Variants in OR8B3 observed in about 807,000 individuals in gnomAD.
OR8B3 encodes the protein olfactory receptor 8B3.
For missense variants in OR8B3, 278 were observed against 377.6 expected (o/e 0.74, Z 2.19); for synonymous variants, 102 against 135.4 (o/e 0.75, Z 1.71).
the OR8B3 span, among the ~76,000 whole-genome samples, chr11:124,405,339 A>C: frequency 6.6e-6 from 1 of 152,140 alleles, no homozygotes; most frequent in African/African-American, 2.4e-5. Flanking sequence ...TAGGTCTCTA[A>C]CCAGAGAAAA....
At chr11:124,406,602 C>T in the OR8B3 span, among the ~76,000 whole-genome samples, 3 of 152,096 alleles carry the variant, frequency 2.0e-5, no homozygotes, top group Admixed American at 2.0e-4. Context: ...TAAGCATCTG[C>T]TCCTCACTCA....
upstream of OR8B3, among the ~76,000 whole-genome samples, chr11:124,402,539 G>A (rs1861011015): frequency 1.3e-5 from 2 of 152,166 alleles, no homozygotes; most frequent in Non-Finnish European, 2.9e-5. Context: ...ATCATATTCA[G>A]ACTGCACGGT....
At chr11:124,400,601 C>T (rs1374648864), upstream of OR8B3, among the ~76,000 whole-genome samples, 3 of 152,042 alleles carry the variant, frequency 2.0e-5, no homozygotes, top group Non-Finnish European at 4.4e-5. Flanking sequence ...TACAGTGGCA[C>T]GATCTTGGCT....
chr11:124,404,761 G>A, the OR8B3 span: 1 of 152,206 alleles, frequency 6.6e-6, no homozygotes, highest in African/African-American at 2.4e-5. Context: ...CATCTTGGCT[G>A]AGAACATTAT....
upstream of OR8B3, among the ~76,000 whole-genome samples, chr11:124,400,684 G>A (rs982911268): frequency 2.0e-5 from 3 of 151,832 alleles, no homozygotes; most frequent in Admixed American, 6.6e-5. Context: ...GAGTACAGGC[G>A]CCTGCTATCA....
In OR8B3 at chr11:124,396,579, A is replaced by G. The variant is rs770651456; in HGVS notation, c.773T>C (p.Met258Thr). ...AGATCCAGAAGAATATTTAATATACATGAATGCCGCTGACCCAAAAAACAG... is the reference window on the plus strand; with the variant it reads ...AGATCCAGAAGAATATTTAATATACGTGAATGCCGCTGACCCAAAAAACAG... The part of the protein sequence containing the change: ...LSLFFGSAAF[M>T]YIKYSSGSME... Residue 258 changes from methionine to threonine, a missense_variant, in exon 2 of 2, where the codon ATG becomes ACG. Coordinates refer to ENST00000641139, the MANE Select transcript of OR8B3 (RefSeq NM_001005467.2). 57 of 1,613,368 alleles carry G rather than the reference A, an allele frequency of 3.5e-5. No individual in the cohort carries two copies. The highest frequency in any genetic ancestry group is 5.3e-5 in the African/African-American group (4 of 74,792).
At position 124,396,539 on chromosome 11, in the gene OR8B3, T is replaced by C; in HGVS notation, c.813A>G (p.Lys271=). 1 of 1,613,876 alleles carries C rather than the reference T, an allele frequency of 6.2e-7. No individual in the cohort carries two copies. ...KYSSGSMEQG[K]VSSVFYTNVV... The stretch of plus-strand genomic sequence containing the variant: ...CATTAGTGTAGAAAACAGAAGAAAC[T>C]TTTCCCTGCTCCATAGATCCAGAAG... Residue 271 remains lysine (K), a synonymous_variant, in exon 2 of 2, where the codon AAA becomes AAG. Transcript: ENST00000641139.
chr11:124,397,431 G>A (rs1418256336), intron 1 of OR8B3, 63 bp from the exon 2 acceptor site: 7 of 724,710 alleles, frequency 9.7e-6, no homozygotes, highest in Non-Finnish European at 1.6e-5. Flanking sequence ...TCTCATTAAT[G>A]AGGAGGGGAC....
chr11:124,398,372 A>T (rs571658126), intron 1 of OR8B3, among the ~76,000 whole-genome samples: 1 of 152,214 alleles, frequency 6.6e-6, no homozygotes, highest in African/African-American at 2.4e-5. Flanking sequence ...TTAGTTGTTA[A>T]GTTTGTAAAA....
chr11:124,396,597 A>G lies in OR8B3; in HGVS notation c.755T>C (p.Phe252Ser). ...SSHVIALSLF[F>S]GSAAFMYIKY... ...AATATACATGAATGCCGCTGACCCA[A>G]AAAACAGAGACAGAGCAATGACATG... The change falls in exon 2 of 2, where the codon TTT (phenylalanine) becomes TCT (serine). Residue 252 changes from phenylalanine to serine, a missense_variant. Physicochemically the swap from Phe to Ser is radical, Grantham distance 155 (BLOSUM62 -2). Transcript: ENST00000641139. 1 of 1,612,862 alleles carries G rather than the reference A, an allele frequency of 6.2e-7. No homozygotes were observed. The highest frequency in any genetic ancestry group is 2.2e-5 in the East Asian group (1 of 44,862).
chr11:124,401,454 T>C (rs1344081519), upstream of OR8B3, among the ~76,000 whole-genome samples: 1 of 152,254 alleles, frequency 6.6e-6, no homozygotes, highest in Non-Finnish European at 1.5e-5. Context: ...TGAGAAATTA[T>C]ATATGAAAAG....
At chr11:124,397,614 G>A (rs765901888) in intron 1 of OR8B3, among the ~76,000 whole-genome samples, 10 of 151,922 alleles carry the variant, frequency 6.6e-5, no homozygotes, top group Admixed American at 2.6e-4. Context: ...AGTAGCTGAG[G>A]CACAGGCCTA....
At chr11:124,405,615 A>C in the OR8B3 span, among the ~76,000 whole-genome samples, 1 of 152,236 alleles carries the variant, frequency 6.6e-6, no homozygotes, top group Non-Finnish European at 1.5e-5. Flanking sequence ...ACAAGCTGTA[A>C]GAGTTCTTTG....
the OR8B3 span, chr11:124,404,582 G>C: frequency 2.2e-4 from 33 of 152,160 alleles, no homozygotes; most frequent in Non-Finnish European, 4.0e-4. Flanking sequence ...TTGTCCCAAA[G>C]CTCTGCAGCC....
In OR8B3 at chr11:124,397,182, G is replaced by A. The variant is rs1208776750; in HGVS notation, c.170C>T (p.Thr57Ile). 1.9e-5 allele frequency: 31 copies of A among 1,612,148 alleles called. No homozygotes were observed. Among genetic ancestry groups the A allele is most frequent in the Non-Finnish European group, 2.5e-5 (29 of 1,179,750 alleles). ...ILFGLNSHLH[T>I]PMYYFLFNLS... Reference sequence around the variant, plus strand: ...ATTGAAGAGGAAATAGTACATTGGTGTGTGGAGGTGAGAATTTAGACCGAA... The same window carrying A: ...ATTGAAGAGGAAATAGTACATTGGTATGTGGAGGTGAGAATTTAGACCGAA... The change falls in exon 2 of 2, where the codon ACA becomes ATA. Residue 57 changes from threonine (T) to isoleucine (I), a missense_variant. Physicochemically the swap from Thr to Ile is moderately conservative, Grantham distance 89. Coordinates refer to ENST00000641139, the MANE Select transcript of OR8B3 (RefSeq NM_001005467.2).
Position 124,396,625 on chromosome 11 carries a change from A to G in OR8B3, c.727T>C (p.Ser243Pro). The G allele has an allele frequency of 6.2e-7, 1 of 1,612,154 alleles. No individual in the cohort carries two copies. Among genetic ancestry groups the G allele is most frequent in the Admixed American group, 1.7e-5 (1 of 59,760 alleles). The change falls in exon 2 of 2, where the codon TCT (serine) becomes CCT (proline). Residue 243 changes from serine to proline, a missense_variant. Ser to Pro is a moderately conservative substitution (Grantham distance 74, BLOSUM62 -1). Transcript: ENST00000641139. ...AACAGAGACAGAGCAATGACATGAG[A>G]GCTACAAGTACTGAAGGCTTTTGAT... ...GRSKAFSTCS[S>P]HVIALSLFFG...
intron 1 of OR8B3, among the ~76,000 whole-genome samples, chr11:124,397,838 G>A (rs1860916238): frequency 6.6e-6 from 1 of 151,994 alleles, no homozygotes; most frequent in Non-Finnish European, 1.5e-5. Flanking sequence ...TAGGATTACA[G>A]GCACATGCCA....
In OR8B3 at chr11:124,396,327, G is replaced by A; in HGVS notation, c.*83C>T. 1 of 1,165,884 alleles carries A rather than the reference G, an allele frequency of 8.6e-7. No individual in the cohort carries two copies. The highest frequency in any genetic ancestry group is 2.5e-5 in the East Asian group (1 of 39,570). 72.2% of individuals were successfully genotyped at this position (1,165,884 alleles called of 1,614,324 possible). On this transcript the variant is annotated 3_prime_UTR_variant, in exon 2 of 2. Coordinates refer to ENST00000641139, the MANE Select transcript of OR8B3 (RefSeq NM_001005467.2). ...TATTAAATCACACATAACACCATCT[G>A]TAGAAACAACAAAATCTCTTCATGG...
upstream of OR8B3, among the ~76,000 whole-genome samples, chr11:124,401,252 G>GAGAGA (rs1555071104): frequency 6.6e-6 from 1 of 151,478 alleles, no homozygotes; most frequent in Non-Finnish European, 1.5e-5. Context: ...GAGAGAGACT[G>GAGAGA]GAGCTGAACT....
Sources: allele counts gnomAD v4.1 joint callset (sites outside exome capture counted in the v4.1 genomes callset), GRCh38; gene constraint gnomAD v4.1.1; transcripts MANE v1.5; gene names NCBI Gene and HGNC (gene_info 2026-07-23, HGNC 2026-07-21).